FGF14: variants seen among roughly 807,000 people sequenced by gnomAD.
The protein encoded by FGF14 is fibroblast growth factor homologous factor 4.
FGF14 carries 5 observed loss-of-function variants against 25.5 expected under a neutral mutation model. The ratio of observed to expected loss-of-function variants is 0.20; its 90% CI spans 0.10 to 0.41. FGF14 has a LOEUF of 0.41. FGF14 is among the 10% of genes least tolerant of loss of function. The pLI is 1.00. For synonymous variants in FGF14, 138 were observed against 118.3 expected, an observed-to-expected ratio of 1.17 and a Z score of -1.08; for missense variants, 222 against 320.1, an observed-to-expected ratio of 0.69 and a Z score of 2.34.
intron 1 of FGF14, among the ~76,000 whole-genome samples, chr13:102,326,804 T>G (rs2056468988): frequency 1.3e-5 from 2 of 149,852 alleles, no homozygotes; most frequent in African/African-American, 2.5e-5. Context: ...AGGAAGGAAA[T>G]ATATATGAGC....
At chr13:102,364,621 G>A (rs961855784) in intron 1 of FGF14, among the ~76,000 whole-genome samples, 2 of 152,100 alleles carry the variant, frequency 1.3e-5, no homozygotes, top group African/African-American at 4.8e-5. Context: ...CAATACTTAC[G>A]AAGTATAAAC....
At chr13:101,969,792 G>T (rs2037483776) in intron 1 of FGF14, among the ~76,000 whole-genome samples, 1 of 152,170 alleles carries the variant, frequency 6.6e-6, no homozygotes, top group Admixed American at 6.5e-5. Flanking sequence ...GCCCTGAGTT[G>T]TGATGACTGG....
At chr13:102,091,138 C>T (rs74108975) in intron 1 of FGF14, among the ~76,000 whole-genome samples, 11,139 of 152,124 alleles carry the variant, frequency 0.073, 1,375 homozygotes, top group African/African-American at 0.25. Context: ...TGCTTAGGTA[C>T]AATTATACCA....
intron 1 of FGF14, among the ~76,000 whole-genome samples, chr13:102,044,869 T>A (rs2041910222): frequency 6.6e-6 from 1 of 152,154 alleles, no homozygotes; most frequent in African/African-American, 2.4e-5. Flanking sequence ...TTGACATATG[T>A]CTACCAAAAT....
chr13:102,135,336 A>G (rs1293234744), intron 1 of FGF14, among the ~76,000 whole-genome samples: 2 of 152,200 alleles, frequency 1.3e-5, no homozygotes, highest in Non-Finnish European at 2.9e-5. Flanking sequence ...TGCCCCAGCT[A>G]ACATCTGGTA....
chr13:102,064,784 T>G (rs1279115917), intron 1 of FGF14, among the ~76,000 whole-genome samples: 1 of 151,866 alleles, frequency 6.6e-6, no homozygotes, highest in Non-Finnish European at 1.5e-5. Flanking sequence ...GTATATTGTG[T>G]TAGGTTTTGT....
chr13:101,904,252 G>A lies in FGF14; in HGVS notation c.193+12201C>T, dbSNP rs188391944. Reference sequence around the variant, plus strand: ...CAGCACCGACCACACCATGAAGAGTGGCAGTTTTTTGTGGACCTTTGGGCT... The same window carrying A: ...CAGCACCGACCACACCATGAAGAGTAGCAGTTTTTTGTGGACCTTTGGGCT... On this transcript the variant is annotated intron_variant, in intron 1 of 4. Coordinates refer to ENST00000376143, the MANE Select transcript of FGF14 (RefSeq NM_004115.4). 2.3e-3 allele frequency among the ~76,000 whole-genome samples: 352 copies of A among 152,248 alleles called. 1 individual carries two copies. The highest frequency in any genetic ancestry group is 8.2e-3 in the African/African-American group (341 of 41,544).
chr13:102,083,222 G>A (rs79052426), intron 1 of FGF14, among the ~76,000 whole-genome samples: 1,691 of 152,192 alleles, frequency 0.011, 27 homozygotes, highest in African/African-American at 0.038. Flanking sequence ...CCAAGCTTCC[G>A]TCATCTTTTA....
At chr13:101,778,952 G>T (rs1398747299) in intron 3 of FGF14, 2 of 152,066 alleles carry the variant, frequency 1.3e-5, no homozygotes, top group Admixed American at 6.6e-5. Context: ...CACATTTGGG[G>T]AAATCACGGA....
intron 2 of FGF14, among the ~76,000 whole-genome samples, chr13:101,874,216 T>A (rs1169343524): frequency 6.6e-6 from 1 of 151,978 alleles, no homozygotes; most frequent in Non-Finnish European, 1.5e-5. Flanking sequence ...TAAAAATAAA[T>A]AAAATAAAAA....
chr13:102,265,057 T>C (rs985251935), intron 1 of FGF14, among the ~76,000 whole-genome samples: 5 of 152,186 alleles, frequency 3.3e-5, no homozygotes, highest in African/African-American at 1.2e-4. Flanking sequence ...CTTGTATCTT[T>C]TGAAAACATT....
At chr13:101,793,691 C>T (rs1390697354) in intron 3 of FGF14, among the ~76,000 whole-genome samples, 1 of 152,022 alleles carries the variant, frequency 6.6e-6, no homozygotes, top group Non-Finnish European at 1.5e-5. Flanking sequence ...TTCACAGTCC[C>T]ACCAGCAGTG....
intron 1 of FGF14, among the ~76,000 whole-genome samples, chr13:102,092,271 G>T (rs1420404929): frequency 6.6e-6 from 1 of 152,124 alleles, no homozygotes; most frequent in East Asian, 1.9e-4. Context: ...TGCCATACAA[G>T]ATATGAAAAT....
chr13:102,383,186 G>C lies in FGF14; in HGVS notation c.208+18285C>G, dbSNP rs527458687. On this transcript the variant is annotated intron_variant, in intron 1 of 4. Transcript: ENST00000376131. ...AAGAAATGCAATTACAACTAGAATT[G>C]TGATCAATTATACCAATTATTTTAG... Among the ~76,000 whole-genome samples the C allele has an allele frequency of 4.0e-5, 6 of 151,856 alleles. No individual in the cohort carries two copies. The South Asian group carries it at 1.2e-3, about 32-fold the overall frequency.
At chr13:101,963,220 T>C (rs185329000) in intron 1 of FGF14, among the ~76,000 whole-genome samples, 2 of 152,380 alleles carry the variant, frequency 1.3e-5, no homozygotes, top group East Asian at 1.9e-4. Flanking sequence ...CATCTGACGA[T>C]TGCTTCGTGT....
chr13:102,161,527 T>G (rs1375590092), intron 1 of FGF14, among the ~76,000 whole-genome samples: 1 of 150,836 alleles, frequency 6.6e-6, no homozygotes, highest in Non-Finnish European at 1.5e-5. Flanking sequence ...TTATCTTAGT[T>G]GTAAAATATC....
chr13:101,970,790 T>C (rs1267271726), intron 1 of FGF14, among the ~76,000 whole-genome samples: 1 of 152,226 alleles, frequency 6.6e-6, no homozygotes, highest in Non-Finnish European at 1.5e-5. Flanking sequence ...CTGTTTTGTC[T>C]ATTCTGCTGC....
intron 1 of FGF14, among the ~76,000 whole-genome samples, chr13:102,085,331 T>G (rs2043845913): frequency 6.6e-6 from 1 of 152,212 alleles, no homozygotes; most frequent in Non-Finnish European, 1.5e-5. Flanking sequence ...CCAAGTTCAT[T>G]GAATCTGAAA....
intron 1 of FGF14, among the ~76,000 whole-genome samples, chr13:101,942,000 G>T (rs1479083883): frequency 6.6e-6 from 1 of 152,106 alleles, no homozygotes; most frequent in East Asian, 1.9e-4. Context: ...AATAGGAATT[G>T]TTACTATGTT....
Sources: allele counts gnomAD v4.1 joint callset (sites outside exome capture counted in the v4.1 genomes callset), GRCh38; gene constraint gnomAD v4.1.1; transcripts MANE v1.5; gene names NCBI Gene and HGNC (gene_info 2026-07-23, HGNC 2026-07-21).